The following SLC30A8 variants were observed in gnomAD, a reference collection of about 807,000 sequenced individuals.
The protein encoded by SLC30A8 is solute carrier family 30 member 8, also known as proton-coupled zinc antiporter SLC30A8.
Under a neutral mutation model 36.9 loss-of-function variants are expected in SLC30A8, and 27 were observed. The observed-to-expected ratio is 0.73, with a 90% confidence interval of 0.54 to 1.01. The LOEUF is 1.01. SLC30A8 is among the 50% of genes least tolerant of loss of function. The pLI is 0.00. For synonymous variants in SLC30A8, 164 were observed against 172.4 expected (o/e 0.95, Z 0.38); for missense variants, 439 against 452.0 (o/e 0.97, Z 0.26).
intron 4 of SLC30A8, among the ~76,000 whole-genome samples, chr8:117,160,087 T>C (rs915411579): frequency 2.6e-5 from 4 of 152,236 alleles, no homozygotes; most frequent in Admixed American, 2.0e-4. Flanking sequence ...CAAATGCTGC[T>C]AGATGCTGTA....
intron 1 of SLC30A8, among the ~76,000 whole-genome samples, chr8:116,976,593 G>C (rs929598436): frequency 6.6e-6 from 1 of 152,116 alleles, no homozygotes. Flanking sequence ...AACGTCTTCA[G>C]CTGGGGCTAC....
intron 1 of SLC30A8, among the ~76,000 whole-genome samples, chr8:116,985,014 A>G (rs905556145): frequency 4.6e-5 from 7 of 152,194 alleles, no homozygotes; most frequent in Admixed American, 2.6e-4. Flanking sequence ...GTTGGTCTTT[A>G]TATTTATGGT....
intron 6 of SLC30A8, among the ~76,000 whole-genome samples, chr8:117,167,099 G>C (rs182170303): frequency 6.6e-6 from 1 of 151,910 alleles, no homozygotes; most frequent in Non-Finnish European, 1.5e-5. Flanking sequence ...GGAAGTTATT[G>C]ACTTAAAGAA....
intron 1 of SLC30A8, among the ~76,000 whole-genome samples, chr8:117,028,723 A>G (rs1457799990): frequency 6.6e-6 from 1 of 152,046 alleles, no homozygotes; most frequent in Non-Finnish European, 1.5e-5. Flanking sequence ...TAATATACAT[A>G]TGACAAATAT....
chr8:117,069,778 A>G (rs35875446), intron 2 of SLC30A8, among the ~76,000 whole-genome samples: 47,039 of 152,110 alleles, frequency 0.31, 8,106 homozygotes, highest in African/African-American at 0.47. Context: ...TCCCCACAGT[A>G]GCAGTGTCCT....
chr8:117,064,164 G>C (rs1040588536), intron 2 of SLC30A8, among the ~76,000 whole-genome samples: 3 of 151,974 alleles, frequency 2.0e-5, no homozygotes, highest in Admixed American at 6.6e-5. Flanking sequence ...GCTAATTTTT[G>C]TATTTTTAGT....
intron 2 of SLC30A8, among the ~76,000 whole-genome samples, chr8:117,107,385 A>G (rs1055340626): frequency 4.6e-5 from 7 of 152,188 alleles, no homozygotes; most frequent in African/African-American, 1.4e-4. Flanking sequence ...GTGCCTTGCA[A>G]TGGGCATTGG....
At position 117,176,564 on chromosome 8, in the gene SLC30A8, TAAA is replaced by T. The variant is rs1252628397; in HGVS notation, c.*3889_*3891del. ...TTAACAGTCCAGCGCAGGCGGATGT[TAAA>T]AAAAATAAAAAGGTGACCATCTGCG... On this transcript the variant is annotated 3_prime_UTR_variant, in exon 8 of 8. Transcript: ENST00000456015. 6.6e-6 allele frequency: 1 copy of T among 152,346 alleles called. No homozygotes were observed. Among genetic ancestry groups the T allele is most frequent in the African/African-American group, 2.4e-5 (1 of 41,396 alleles). 9.4% of individuals were successfully genotyped at this position (152,346 alleles called of 1,614,324 possible). A position where few individuals can be genotyped will look rare whatever the true frequency, so the allele number is the denominator to read the frequency against.
chr8:117,013,865 G>A (rs1816425306), intron 1 of SLC30A8, among the ~76,000 whole-genome samples: 1 of 152,056 alleles, frequency 6.6e-6, no homozygotes, highest in Non-Finnish European at 1.5e-5. Context: ...TAGGTCATGT[G>A]AGAATATATT....
chr8:117,136,644 A>G (rs1416521271), intron 1 of SLC30A8, among the ~76,000 whole-genome samples: 1 of 152,010 alleles, frequency 6.6e-6, no homozygotes, highest in Non-Finnish European at 1.5e-5. Context: ...GATATGATGT[A>G]TTGAGGTTAT....
chr8:117,095,506 A>C (rs1208346631), intron 2 of SLC30A8, among the ~76,000 whole-genome samples: 1 of 151,830 alleles, frequency 6.6e-6, no homozygotes, highest in African/African-American at 2.4e-5. Context: ...TTTTTTTCTT[A>C]AAATGGGACT....
chr8:117,028,603 A>G (rs1816943529), intron 1 of SLC30A8, among the ~76,000 whole-genome samples: 1 of 151,438 alleles, frequency 6.6e-6, no homozygotes, highest in Non-Finnish European at 1.5e-5. Flanking sequence ...TAGGTCAAAG[A>G]GGAATGGTCT....
rs1194413891 is a variant in SLC30A8 at position 117,111,218 on chromosome 8, T to TA, written c.-225-24061dup. Reference sequence around the variant, plus strand: ...TTTAATAAACATTGGTAGCTATTTTTATTGTTGTTTTCTGACATGTTCCCA... The same window carrying TA: ...TTTAATAAACATTGGTAGCTATTTTTAATTGTTGTTTTCTGACATGTTCCCA... On this transcript the variant is annotated intron_variant, in intron 2 of 10. Transcript: ENST00000427715. Among the ~76,000 whole-genome samples, 12 of 152,318 alleles carry TA rather than the reference T, an allele frequency of 7.9e-5. No individual in the cohort carries two copies. The East Asian group carries it at 2.1e-3, about 27-fold the overall frequency.
intron 2 of SLC30A8, among the ~76,000 whole-genome samples, chr8:117,079,902 G>T (rs1225282712): frequency 6.6e-6 from 1 of 152,194 alleles, no homozygotes; most frequent in Non-Finnish European, 1.5e-5. Flanking sequence ...TTTCTGTTAT[G>T]TGTAGCTAAA....
At position 117,174,412 on chromosome 8, in the gene SLC30A8, C is replaced by G. The variant is rs1227664383; in HGVS notation, c.*1731C>G. ...ACCACTGAAATAACTACTTAGCATT[C>G]TGCTGAGCTTTCCCTGCTCAGTAGA... is the stretch of plus-strand genomic sequence containing the variant. On this transcript the variant is annotated 3_prime_UTR_variant, in exon 8 of 8. Transcript: ENST00000456015. 2 of 152,564 alleles carry G rather than the reference C, an allele frequency of 1.3e-5. No individual in the cohort carries two copies. The allele number at this position is 152,564 out of a possible 1,614,324, so 9.5% of individuals were successfully genotyped here. A position where few individuals can be genotyped will look rare whatever the true frequency, so the allele number is the denominator to read the frequency against.
intron 1 of SLC30A8, among the ~76,000 whole-genome samples, chr8:117,017,667 G>T (rs1471240517): frequency 6.6e-6 from 1 of 152,236 alleles, no homozygotes; most frequent in African/African-American, 2.4e-5. Flanking sequence ...CAGAATACCT[G>T]TGAAGAAAAT....
chr8:117,073,458 C>T (rs948968291), intron 2 of SLC30A8, among the ~76,000 whole-genome samples: 6 of 152,056 alleles, frequency 3.9e-5, no homozygotes, highest in African/African-American at 1.2e-4. Context: ...TGGGGTTTCA[C>T]CATGTTGGCC....
At chr8:117,161,621 A>G in intron 4 of SLC30A8, 117 bp from the exon 5 acceptor site, 1 of 956,400 alleles carries the variant, frequency 1.0e-6, no homozygotes, top group Non-Finnish European at 1.6e-6. Context: ...TTAAAGCATA[A>G]ATATTTCAAC....
intron 2 of SLC30A8, among the ~76,000 whole-genome samples, chr8:117,048,493 C>T (rs748513504): frequency 4.6e-5 from 7 of 152,194 alleles, no homozygotes; most frequent in Non-Finnish European, 1.0e-4. Context: ...AAAAATGCAT[C>T]TTTATGTACC....
Sources: allele counts gnomAD v4.1 joint callset (sites outside exome capture counted in the v4.1 genomes callset), GRCh38; gene constraint gnomAD v4.1.1; transcripts MANE v1.5; gene names NCBI Gene and HGNC (gene_info 2026-07-23, HGNC 2026-07-21).